SDK1: variants seen among roughly 807,000 people sequenced by gnomAD.
SDK1 encodes the protein sidekick cell adhesion molecule 1, also known as protein sidekick-1.
A neutral mutation model predicts 245.5 loss-of-function variants in SDK1; 157 were observed. That is an observed-to-expected ratio of 0.64 (90% CI 0.56 to 0.73). The LOEUF (loss-of-function observed/expected upper bound fraction) is 0.73. SDK1 is among the 30% of genes least tolerant of loss of function. The pLI, the probability that SDK1 is intolerant of heterozygous loss-of-function variation, is 0.00. For synonymous variants in SDK1, 1,647 were observed against 1,278.5 expected, an observed-to-expected ratio of 1.29 and a Z score of -6.15; for missense variants, 3,583 against 3,002.3, an observed-to-expected ratio of 1.19 and a Z score of -4.52.
At chr7:4,133,679 T>C (rs577559724) in intron 28 of SDK1, among the ~76,000 whole-genome samples, 2 of 152,188 alleles carry the variant, frequency 1.3e-5, no homozygotes, top group South Asian at 4.2e-4. Flanking sequence ...CTGGGCCGGG[T>C]CTTGAGCTAC....
chr7:4,145,760 C>G lies in SDK1; in HGVS notation c.4267C>G (p.His1423Asp), dbSNP rs749962239. The change falls in exon 29 of 45, where the codon CAC becomes GAC. Residue 1423 changes from histidine (H) to aspartate (D), a missense_variant. Coordinates refer to ENST00000404826, the MANE Select transcript of SDK1 (RefSeq NM_152744.4). Reference sequence around the variant, plus strand: ...CTACCGCCTGGCCAGCAGCAGCCCCCACACCTTCACCACCGTGGAGGTCGG... The same window carrying G: ...CTACCGCCTGGCCAGCAGCAGCCCCGACACCTTCACCACCGTGGAGGTCGG... Reference protein sequence around the residue: ...IAYRLASSSPHTFTTVEVGAT... With the variant: ...IAYRLASSSPDTFTTVEVGAT... 1.2e-6 allele frequency: 2 copies of G among 1,612,528 alleles called. No homozygotes were observed. Among genetic ancestry groups the G allele is most frequent in the South Asian group, 1.1e-5 (1 of 90,876 alleles).
chr7:3,321,778 C>CTTCCTTCCTTCCT (rs1337962419), intron 1 of SDK1, among the ~76,000 whole-genome samples: 1 of 50,302 alleles, frequency 2.0e-5, no homozygotes, highest in East Asian at 1.2e-3. Context: ...TTCCTTCCTT[C>CTTCCTTCCTTCCT]TCCTTCCTTC....
chr7:3,797,464 C>CAG (rs1778990299), intron 4 of SDK1, among the ~76,000 whole-genome samples: 2 of 97,618 alleles, frequency 2.0e-5, no homozygotes, highest in African/African-American at 8.9e-5. Context: ...TGTATACACA[C>CAG]ACACACACAC....
chr7:3,523,568 C>T (rs761679905), intron 1 of SDK1, among the ~76,000 whole-genome samples: 1 of 152,010 alleles, frequency 6.6e-6, no homozygotes, highest in Non-Finnish European at 1.5e-5. Context: ...CGGTCTTTTT[C>T]GACCCCATAC....
intron 17 of SDK1, among the ~76,000 whole-genome samples, chr7:4,040,966 C>G (rs1458645834): frequency 1.3e-5 from 2 of 152,310 alleles, no homozygotes; most frequent in African/African-American, 2.4e-5. Context: ...TCAGGCTGCT[C>G]TTTGTTAGAA....
At chr7:3,545,317 T>G (rs940563033) in intron 1 of SDK1, among the ~76,000 whole-genome samples, 4 of 152,054 alleles carry the variant, frequency 2.6e-5, no homozygotes, top group African/African-American at 9.7e-5. Flanking sequence ...AATAAACATT[T>G]TGGCAGGCGG....
rs982907150 is a variant in SDK1 at position 4,242,076 on chromosome 7, G to T, written c.6251+163G>T. Reference sequence around the variant, plus strand: ...CTCCCAAACCACCAGGGGCAGCCCTGAGTCTAGGAGGGACGGGGTCGGCAG... The same window carrying T: ...CTCCCAAACCACCAGGGGCAGCCCTTAGTCTAGGAGGGACGGGGTCGGCAG... On this transcript the variant is annotated intron_variant, in intron 43 of 44. Coordinates refer to ENST00000404826, the MANE Select transcript of SDK1 (RefSeq NM_152744.4). Among the ~76,000 whole-genome samples, 4 of 152,232 alleles carry T rather than the reference G, an allele frequency of 2.6e-5. 1 individual carries two copies. Among genetic ancestry groups the T allele is most frequent in the Non-Finnish European group, 4.4e-5 (3 of 68,048 alleles).
intron 5 of SDK1, among the ~76,000 whole-genome samples, chr7:3,861,653 A>G (rs1437071905): frequency 1.3e-5 from 2 of 152,228 alleles, no homozygotes; most frequent in African/African-American, 4.8e-5. Flanking sequence ...TGGGGCTAAC[A>G]CTTCTTTATA....
At chr7:3,860,476 A>G (rs1375799229) in intron 5 of SDK1, among the ~76,000 whole-genome samples, 6 of 152,236 alleles carry the variant, frequency 3.9e-5, no homozygotes, top group African/African-American at 1.4e-4. Context: ...TTTTCACTCA[A>G]GTTGTCAAAC....
chr7:4,052,943 T>C (rs1316794016), intron 19 of SDK1, among the ~76,000 whole-genome samples: 1 of 151,368 alleles, frequency 6.6e-6, no homozygotes, highest in Non-Finnish European at 1.5e-5. Context: ...AAAAATTAGC[T>C]GGGTGTGGTG....
intron 1 of SDK1, among the ~76,000 whole-genome samples, chr7:3,475,845 C>T (rs1781333747): frequency 6.6e-6 from 1 of 152,196 alleles, no homozygotes; most frequent in African/African-American, 2.4e-5. Flanking sequence ...CTCTGGCTCT[C>T]TGTGGCATCA....
At position 3,803,262 on chromosome 7, in the gene SDK1, C is replaced by G. The variant is rs532870251; in HGVS notation, c.714-18188C>G. 2.6e-5 allele frequency among the ~76,000 whole-genome samples: 4 copies of G among 151,488 alleles called. No homozygotes were observed. In the East Asian group the frequency reaches 7.7e-4, roughly 29 times the overall value. On this transcript the variant is annotated intron_variant, in intron 4 of 44. Transcript: ENST00000404826. The stretch of plus-strand genomic sequence containing the variant: ...ACATATTCTCTTTGGTCAAATGCTT[C>G]TTGTTGTACTCTGCCCATTTTCTTT...
At chr7:4,168,137 TG>T (rs35725300) in intron 32 of SDK1, among the ~76,000 whole-genome samples, 1 of 152,154 alleles carries the variant, frequency 6.6e-6, no homozygotes, top group African/African-American at 2.4e-5. Context: ...ACGCTCCCAC[TG>T]GGAAGATGAC....
chr7:3,344,383 C>T (rs1780437694), intron 1 of SDK1, among the ~76,000 whole-genome samples: 1 of 152,296 alleles, frequency 6.6e-6, no homozygotes, highest in East Asian at 1.9e-4. Context: ...GTACCTAGCT[C>T]AGGATCCAAT....
At chr7:3,666,600 A>G (rs1319155229) in intron 4 of SDK1, among the ~76,000 whole-genome samples, 3 of 152,142 alleles carry the variant, frequency 2.0e-5, no homozygotes, top group Non-Finnish European at 2.9e-5. Flanking sequence ...TCTGTATATC[A>G]TAAGCTCCTG....
intron 1 of SDK1, among the ~76,000 whole-genome samples, chr7:3,335,297 A>C (rs756810641): frequency 6.6e-5 from 10 of 151,890 alleles, no homozygotes; most frequent in Admixed American, 2.0e-4. Flanking sequence ...ATCTTTCTTT[A>C]TTTACCCCCT....
chr7:3,556,330 A>AT (rs1390173904), intron 1 of SDK1, among the ~76,000 whole-genome samples: 1 of 152,184 alleles, frequency 6.6e-6, no homozygotes, highest in Non-Finnish European at 1.5e-5. Flanking sequence ...GTTCTCAGTC[A>AT]TTTATGGGAG....
At chr7:3,654,965 A>G (rs1023707825) in intron 4 of SDK1, among the ~76,000 whole-genome samples, 58 of 152,194 alleles carry the variant, frequency 3.8e-4, no homozygotes, top group African/African-American at 1.2e-3. Flanking sequence ...TTTAATTAAA[A>G]CTAGGATAAT....
chr7:3,337,678 C>T (rs1780238976), intron 1 of SDK1, among the ~76,000 whole-genome samples: 1 of 152,126 alleles, frequency 6.6e-6, no homozygotes. Context: ...AGGGGAAAAC[C>T]AGTCCAAATG....
Sources: gnomAD v4.1 joint callset for allele counts (sites outside exome capture counted in the v4.1 genomes callset) on GRCh38, gnomAD v4.1.1 for gene constraint, MANE v1.5 for transcripts, NCBI Gene and HGNC (gene_info 2026-07-23, HGNC 2026-07-21) for gene names.